Variants in OR4A5 observed in about 807,000 individuals in gnomAD.
OR4A5 encodes olfactory receptor 4A5.
For synonymous variants in OR4A5, 245 were observed against 138.5 expected, an observed-to-expected ratio of 1.77 and a Z score of -5.40; for missense variants, 684 against 381.6, an observed-to-expected ratio of 1.79 and a Z score of -6.60.
chr11:54,707,572 A>C lies in OR4A5; in HGVS notation c.688A>C (p.Arg230=). The C allele has an allele frequency of 6.2e-7, 1 of 1,613,556 alleles. No individual in the cohort carries two copies. Among genetic ancestry groups the C allele is most frequent in the Non-Finnish European group, 8.5e-7 (1 of 1,179,764 alleles). ...SSLKTYSQEK[R]GKALSTCSSG... ...CCTTAAAACTTACAGTCAGGAAAAG[A>C]GGGGTAAAGCCTTGTCTACCTGCAG... is the stretch of plus-strand genomic sequence containing the variant. The change falls in exon 1 of 1, where the codon AGG becomes CGG. Residue 230 remains arginine, a synonymous_variant. Coordinates refer to ENST00000319760, the MANE Select transcript of OR4A5 (RefSeq NM_001005272.3).
rs370100509 is a variant in OR4A5, at chr11:54,707,765, C to T, written c.881C>T (p.Ala294Val). The change falls in exon 1 of 1, where the codon GCT (alanine) becomes GTT (valine). Residue 294 changes from alanine (A) to valine (V), a missense_variant. Coordinates refer to ENST00000319760, the MANE Select transcript of OR4A5 (RefSeq NM_001005272.3). The part of the protein sequence containing the change: ...YTLRNSEMRN[A>V]IEKLLGKKLT... ...TTGAGAAATTCAGAGATGAGAAATG[C>T]TATAGAAAAACTCTTGGGTAAAAAG... The T allele has an allele frequency of 2.5e-5, 40 of 1,586,422 alleles. No individual in the cohort carries two copies. In the African/African-American group the frequency reaches 4.3e-4, roughly 17 times the overall value.
chr11:54,707,624 T>A lies in OR4A5; in HGVS notation c.740T>A (p.Phe247Tyr), dbSNP rs1203838070. The A allele has an allele frequency of 1.9e-6, 3 of 1,612,188 alleles. No individual in the cohort carries two copies. The highest frequency in any genetic ancestry group is 2.2e-5 in the East Asian group (1 of 44,736). Residue 247 changes from phenylalanine (F) to tyrosine (Y), a missense_variant, in exon 1 of 1, where the codon TTT becomes TAT. Phe to Tyr is a conservative substitution (Grantham distance 22). Transcript: ENST00000319760. The stretch of plus-strand genomic sequence containing the variant: ...TCCGGCAGTACCGTTGTTGTCCTCT[T>A]TTTTGTACCCTGTATTTTCATATAT... ...CSSGSTVVVL[F>Y]FVPCIFIYVR...
Position 54,706,899 on chromosome 11 carries a change from C to G in OR4A5, c.15C>G (p.Asn5Lys). The G allele has an allele frequency of 6.2e-7, 1 of 1,605,862 alleles. No individual in the cohort carries two copies. The highest frequency in any genetic ancestry group is 1.7e-4 in the Middle Eastern group (1 of 5,956). Residue 5 changes from asparagine (N) to lysine (K), a missense_variant, in exon 1 of 1, where the codon AAC becomes AAG. Coordinates refer to ENST00000319760, the MANE Select transcript of OR4A5 (RefSeq NM_001005272.3). ...AAGAAGAGTAAATGAGACAGAATAACAATATTACAGAATTTGTCCTCCTGG... is the reference window on the plus strand; with the variant it reads ...AAGAAGAGTAAATGAGACAGAATAAGAATATTACAGAATTTGTCCTCCTGG... MRQNNNITEFVLLGF... is the reference protein window; with the variant it reads MRQNKNITEFVLLGF...
chr11:54,707,480 A>T lies in OR4A5; in HGVS notation c.596A>T (p.Asn199Ile), dbSNP rs754513811. Residue 199 changes from asparagine to isoleucine, a missense_variant, in exon 1 of 1, where the codon AAT (asparagine) becomes ATT (isoleucine). Coordinates refer to ENST00000319760, the MANE Select transcript of OR4A5 (RefSeq NM_001005272.3). ...TTTATAGGCCTCACTGTTGTTGTCA[A>T]TAGTGGAGCAATCTGTATGGTCATT... is the stretch of plus-strand genomic sequence containing the variant. ...TYFIGLTVVV[N>I]SGAICMVIFN... 3 of 1,613,570 alleles carry T rather than the reference A, an allele frequency of 1.9e-6. No homozygotes were observed. Among genetic ancestry groups the T allele is most frequent in the Non-Finnish European group, 2.5e-6 (3 of 1,179,838 alleles).
chr11:54,706,942 G>C lies in OR4A5; in HGVS notation c.58G>C (p.Gly20Arg). 1 of 1,612,732 alleles carries C rather than the reference G, an allele frequency of 6.2e-7. No homozygotes were observed. The highest frequency in any genetic ancestry group is 2.2e-5 in the East Asian group (1 of 44,706). ...CCTCCTGGGCTTTTCTCAGGATCCT[G>C]GTGTGCAAAAAGCATTATTTGTCAT... ...FVLLGFSQDP[G>R]VQKALFVMFL... Residue 20 changes from glycine (G) to arginine (R), a missense_variant, in exon 1 of 1, where the codon GGT becomes CGT. By Grantham distance (125) the Gly-to-Arg change is moderately radical. Coordinates refer to ENST00000319760, the MANE Select transcript of OR4A5 (RefSeq NM_001005272.3).
At position 54,707,612 on chromosome 11, in the gene OR4A5, T is replaced by C. The variant is rs1363231570; in HGVS notation, c.728T>C (p.Val243Ala). The C allele has an allele frequency of 3.7e-6, 6 of 1,612,458 alleles. No homozygotes were observed. The highest frequency in any genetic ancestry group is 1.3e-5 in the African/African-American group (1 of 74,882). ...ALSTCSSGST[V>A]VVLFFVPCIF... is the part of the protein sequence containing the mutation. The stretch of plus-strand genomic sequence containing the variant: ...TCTACCTGCAGCTCCGGCAGTACCG[T>C]TGTTGTCCTCTTTTTTGTACCCTGT... The change falls in exon 1 of 1, where the codon GTT becomes GCT. Residue 243 changes from valine to alanine, a missense_variant. By Grantham distance (64) the Val-to-Ala change is moderately conservative. Coordinates refer to ENST00000319760, the MANE Select transcript of OR4A5 (RefSeq NM_001005272.3).
rs753729941 is a variant in OR4A5 at position 54,707,588 on chromosome 11, C to T, written c.704C>T (p.Ser235Phe). Residue 235 changes from serine (S) to phenylalanine (F), a missense_variant, in exon 1 of 1, where the codon TCT (serine) becomes TTT (phenylalanine). Coordinates refer to ENST00000319760, the MANE Select transcript of OR4A5 (RefSeq NM_001005272.3). The stretch of plus-strand genomic sequence containing the variant: ...CAGGAAAAGAGGGGTAAAGCCTTGT[C>T]TACCTGCAGCTCCGGCAGTACCGTT... ...YSQEKRGKAL[S>F]TCSSGSTVVV... is the part of the protein sequence containing the mutation. The T allele has an allele frequency of 5.0e-6, 8 of 1,613,336 alleles. No homozygotes were observed. Among genetic ancestry groups the T allele is most frequent in the African/African-American group, 1.3e-5 (1 of 75,012 alleles).
rs1233446554 is a variant in OR4A5 at position 54,707,684 on chromosome 11, T to C, written c.800T>C (p.Phe267Ser). The change falls in exon 1 of 1, where the codon TTC (phenylalanine) becomes TCC (serine). Residue 267 changes from phenylalanine to serine, a missense_variant. Transcript: ENST00000319760. ...GTTTCAAACTTTCCTACTGATAAGT[T>C]CATGACTGTGTTTTATACCATTATC... ...RPVSNFPTDKFMTVFYTIITH... is the reference protein window; with the variant it reads ...RPVSNFPTDKSMTVFYTIITH... The C allele has an allele frequency of 1.9e-6, 3 of 1,610,700 alleles. No homozygotes were observed. The highest frequency in any genetic ancestry group is 2.5e-6 in the Non-Finnish European group (3 of 1,177,476).
In OR4A5 at chr11:54,707,290, C is replaced by A. The variant is rs147678903; in HGVS notation, c.406C>A (p.Arg136=). 3.1e-6 allele frequency: 5 copies of A among 1,613,660 alleles called. No individual in the cohort carries two copies. Among genetic ancestry groups the A allele is most frequent in the East Asian group, 2.2e-5 (1 of 44,758 alleles). ...ACTGCACTATTTGACCATCATGAAT[C>A]GACAGGTTTGCTTCCTTCTGTTGGT... is the stretch of plus-strand genomic sequence containing the variant. ...KPLHYLTIMN[R]QVCFLLLVVA... The change falls in exon 1 of 1, where the codon CGA becomes AGA. Residue 136 remains arginine (R), a synonymous_variant. Coordinates refer to ENST00000319760, the MANE Select transcript of OR4A5 (RefSeq NM_001005272.3).
Position 54,707,044 on chromosome 11 carries a change from G to C in OR4A5, c.160G>C (p.Gly54Arg). The change falls in exon 1 of 1, where the codon GGT (glycine) becomes CGT (arginine). Residue 54 changes from glycine to arginine, a missense_variant. By Grantham distance (125) the Gly-to-Arg change is moderately radical. Coordinates refer to ENST00000319760, the MANE Select transcript of OR4A5 (RefSeq NM_001005272.3). ...GGATATTATTGCCAGCCCTTCCTTGGGTTCCCCAATGTATTTCTTCCTTGC... is the reference window on the plus strand; with the variant it reads ...GGATATTATTGCCAGCCCTTCCTTGCGTTCCCCAATGTATTTCTTCCTTGC... The part of the protein sequence containing the change: ...VVDIIASPSL[G>R]SPMYFFLACL... The C allele has an allele frequency of 6.2e-7, 1 of 1,613,588 alleles. No homozygotes were observed. Among genetic ancestry groups the C allele is most frequent in the Non-Finnish European group, 8.5e-7 (1 of 1,179,842 alleles).
Position 54,707,293 on chromosome 11 carries a change from C to A in OR4A5, c.409C>A (p.Gln137Lys), listed in dbSNP as rs371062944. 24 of 1,613,630 alleles carry A rather than the reference C, an allele frequency of 1.5e-5. No homozygotes were observed. In the African/African-American group the frequency reaches 2.7e-4, roughly 18 times the overall value. Reference protein sequence around the residue: ...PLHYLTIMNRQVCFLLLVVAM... With the variant: ...PLHYLTIMNRKVCFLLLVVAM... ...GCACTATTTGACCATCATGAATCGA[C>A]AGGTTTGCTTCCTTCTGTTGGTGGT... Residue 137 changes from glutamine (Q) to lysine (K), a missense_variant, in exon 1 of 1, where the codon CAG (glutamine) becomes AAG (lysine). Gln to Lys is a moderately conservative substitution (Grantham distance 53). Coordinates refer to ENST00000319760, the MANE Select transcript of OR4A5 (RefSeq NM_001005272.3).
rs769465037 is a variant in OR4A5, at chr11:54,706,980, A to G, written c.96A>G (p.Thr32=). 5 of 1,613,404 alleles carry G rather than the reference A, an allele frequency of 3.1e-6. No individual in the cohort carries two copies. In the South Asian group the frequency reaches 4.4e-5, roughly 14 times the overall value. Residue 32 remains threonine (T), a synonymous_variant, in exon 1 of 1, where the codon ACA becomes ACG. Coordinates refer to ENST00000319760, the MANE Select transcript of OR4A5 (RefSeq NM_001005272.3). The part of the protein sequence containing the change: ...QKALFVMFLL[T]YLVTVVGNLL... ...CATTATTTGTCATGTTTTTACTCAC[A>G]TACTTGGTGACAGTGGTGGGGAACC...
Position 54,707,024 on chromosome 11 carries a change from T to C in OR4A5, c.140T>C (p.Ile47Thr), listed in dbSNP as rs1440776523. The change falls in exon 1 of 1, where the codon ATT becomes ACT. Residue 47 changes from isoleucine to threonine, a missense_variant. Physicochemically the swap from Ile to Thr is moderately conservative, Grantham distance 89. Transcript: ENST00000319760. ...GGGAACCTGCTCATTGTGGTGGATA[T>C]TATTGCCAGCCCTTCCTTGGGTTCC... ...VVGNLLIVVD[I>T]IASPSLGSPM... The C allele has an allele frequency of 6.2e-7, 1 of 1,613,640 alleles. No individual in the cohort carries two copies. Among genetic ancestry groups the C allele is most frequent in the South Asian group, 1.1e-5 (1 of 91,070 alleles).
chr11:54,707,740 T>A lies in OR4A5; in HGVS notation c.856T>A (p.Leu286Met). The A allele has an allele frequency of 1.3e-6, 2 of 1,597,158 alleles. No homozygotes were observed. The highest frequency in any genetic ancestry group is 1.7e-6 in the Non-Finnish European group (2 of 1,166,996). ...CATGCTGAGTCCTTTAATATATACG[T>A]TGAGAAATTCAGAGATGAGAAATGC... is the stretch of plus-strand genomic sequence containing the variant. ...THMLSPLIYT[L>M]RNSEMRNAIE... The change falls in exon 1 of 1, where the codon TTG (leucine) becomes ATG (methionine). Residue 286 changes from leucine to methionine, a missense_variant. Coordinates refer to ENST00000319760, the MANE Select transcript of OR4A5 (RefSeq NM_001005272.3).
At position 54,707,772 on chromosome 11, in the gene OR4A5, A is replaced by T. The variant is rs2120293939; in HGVS notation, c.888A>T (p.Glu296Asp). 6.3e-7 allele frequency: 1 copy of T among 1,584,472 alleles called. No individual in the cohort carries two copies. Among genetic ancestry groups the T allele is most frequent in the Non-Finnish European group, 8.6e-7 (1 of 1,160,258 alleles). ...ATTCAGAGATGAGAAATGCTATAGA[A>T]AAACTCTTGGGTAAAAAGTTAACTA... ...LRNSEMRNAIEKLLGKKLTIF... is the reference protein window; with the variant it reads ...LRNSEMRNAIDKLLGKKLTIF... Residue 296 changes from glutamate to aspartate, a missense_variant, in exon 1 of 1, where the codon GAA becomes GAT. Physicochemically the swap from Glu to Asp is conservative, Grantham distance 45. Coordinates refer to ENST00000319760, the MANE Select transcript of OR4A5 (RefSeq NM_001005272.3).
chr11:54,707,545 TC>T lies in OR4A5; in HGVS notation c.664del (p.Thr224LeufsTer45), dbSNP rs751988780. The T allele has an allele frequency of 6.2e-7, 1 of 1,613,530 alleles. No homozygotes were observed. Among genetic ancestry groups the T allele is most frequent in the African/African-American group, 1.3e-5 (1 of 74,874 alleles). On this transcript the variant is annotated frameshift_variant, in exon 1 of 1. Coordinates refer to ENST00000319760, the MANE Select transcript of OR4A5 (RefSeq NM_001005272.3). LOFTEE classifies it low-confidence loss of function (END_TRUNC). ...AATCTCCTATGGAGTCATCCTAAGCTCCCTTAAAACTTACAGTCAGGAAAAG... is the reference window on the plus strand; with the variant it reads ...AATCTCCTATGGAGTCATCCTAAGCTCCTTAAAACTTACAGTCAGGAAAAG... ...LLISYGVILS[S>X]LKTYSQEKRG...
rs769528818 is a variant in OR4A5 at position 54,707,280 on chromosome 11, C to A, written c.396C>A (p.Thr132=). The change falls in exon 1 of 1, where the codon ACC becomes ACA. Residue 132 remains threonine (T), a synonymous_variant. Coordinates refer to ENST00000319760, the MANE Select transcript of OR4A5 (RefSeq NM_001005272.3). ...TCTGTAAGCCACTGCACTATTTGACCATCATGAATCGACAGGTTTGCTTCC... is the reference window on the plus strand; with the variant it reads ...TCTGTAAGCCACTGCACTATTTGACAATCATGAATCGACAGGTTTGCTTCC... The part of the protein sequence containing the change: ...VAICKPLHYL[T]IMNRQVCFLL... 1 of 1,612,976 alleles carries A rather than the reference C, an allele frequency of 6.2e-7. No individual in the cohort carries two copies. Among genetic ancestry groups the A allele is most frequent in the Admixed American group, 1.7e-5 (1 of 59,898 alleles).
rs146029773 is a variant in OR4A5 at position 54,707,218 on chromosome 11, C to G, written c.334C>G (p.Leu112Val). ...DHFFGGAEVF[L>V]LVVMACDRYV... ...TTTCTTTGGTGGGGCTGAGGTCTTC[C>G]TTCTGGTGGTGATGGCCTGTGATCG... The change falls in exon 1 of 1, where the codon CTT becomes GTT. Residue 112 changes from leucine to valine, a missense_variant. Coordinates refer to ENST00000319760, the MANE Select transcript of OR4A5 (RefSeq NM_001005272.3). The G allele has an allele frequency of 5.6e-5, 90 of 1,613,590 alleles. No individual in the cohort carries two copies. Among genetic ancestry groups the G allele is most frequent in the Non-Finnish European group, 6.8e-5 (80 of 1,179,882 alleles).
chr11:54,706,866 A>C lies in OR4A5; in HGVS notation c.-19A>C. The C allele has an allele frequency of 6.6e-7, 1 of 1,524,668 alleles. No individual in the cohort carries two copies. Among genetic ancestry groups the C allele is most frequent in the Non-Finnish European group, 8.9e-7 (1 of 1,119,182 alleles). 94.4% of individuals were successfully genotyped at this position (1,524,668 alleles called of 1,614,324 possible). A position where few individuals can be genotyped will look rare whatever the true frequency, so the allele number is the denominator to read the frequency against. On this transcript the variant is annotated 5_prime_UTR_variant, in exon 1 of 1. Coordinates refer to ENST00000319760, the MANE Select transcript of OR4A5 (RefSeq NM_001005272.3). ...TTCCCTGAGCTCTCACCTCTGATAC[A>C]AGCCTTAAAGAAGAGTAAATGAGAC...
Sources: gnomAD v4.1 joint callset for allele counts on GRCh38, gnomAD v4.1.1 for gene constraint, MANE v1.5 for transcripts, NCBI Gene and HGNC (gene_info 2026-07-23, HGNC 2026-07-21) for gene names.